Variants in PLEKHA7 observed in about 807,000 individuals in gnomAD.
PLEKHA7 encodes pleckstrin homology domain-containing family A member 7.
In PLEKHA7, 104 loss-of-function variants were observed where a neutral mutation model predicts 170.0. The observed-to-expected ratio is 0.61, with a 90% confidence interval of 0.52 to 0.72. The LOEUF (loss-of-function observed/expected upper bound fraction) is 0.72. Ranked by LOEUF, PLEKHA7 falls within the 30% of genes least tolerant of loss-of-function variation. PLEKHA7 has a pLI of 0.00. For synonymous variants in PLEKHA7, 648 were observed against 660.8 expected (o/e 0.98, Z 0.30); for missense variants, 1,615 against 1,671.7 (o/e 0.97, Z 0.59).
intron 8 of PLEKHA7, among the ~76,000 whole-genome samples, chr11:16,846,170 A>T (rs975644614): frequency 2.0e-5 from 3 of 152,120 alleles, no homozygotes; most frequent in Non-Finnish European, 4.4e-5. Context: ...CTGTAGCCCC[A>T]GCTACTCAAG....
chr11:16,969,450 G>C (rs528505327), intron 3 of PLEKHA7, among the ~76,000 whole-genome samples: 1 of 152,156 alleles, frequency 6.6e-6, no homozygotes, highest in East Asian at 1.9e-4. Context: ...ATTGATTCAA[G>C]TATGATATTG....
intron 8 of PLEKHA7, among the ~76,000 whole-genome samples, chr11:16,845,539 G>T (rs1473450838): frequency 1.3e-5 from 2 of 152,058 alleles, no homozygotes; most frequent in East Asian, 3.9e-4. Context: ...ACTAATTTTT[G>T]TATTTTTTGT....
chr11:16,941,393 G>A (rs982713974), intron 3 of PLEKHA7, among the ~76,000 whole-genome samples: 3 of 152,166 alleles, frequency 2.0e-5, no homozygotes, highest in African/African-American at 7.2e-5. Flanking sequence ...CTCTGAAAAG[G>A]AAGATGGTTT....
At position 17,013,979 on chromosome 11, in the gene PLEKHA7, A is replaced by T; in HGVS notation, c.221+10T>A. 6.5e-7 allele frequency: 1 copy of T among 1,532,372 alleles called. No individual in the cohort carries two copies. The highest frequency in any genetic ancestry group is 1.2e-5 in the South Asian group (1 of 82,836). The allele number at this position is 1,532,372 out of a possible 1,614,324, so 94.9% of individuals were successfully genotyped here. A position where few individuals can be genotyped will look rare whatever the true frequency, so the allele number is the denominator to read the frequency against. On this transcript the variant is annotated intron_variant, in intron 3 of 26. Coordinates refer to ENST00000531066, the MANE Select transcript of PLEKHA7 (RefSeq NM_001329630.2). ...GCACAGGTGCGAGCGCGGCGGCCCC[A>T]CTCACTCACTCGATGAAGTAGCTGG...
chr11:16,924,487 T>C (rs1590630497), intron 3 of PLEKHA7, among the ~76,000 whole-genome samples: 1 of 152,194 alleles, frequency 6.6e-6, no homozygotes, highest in Non-Finnish European at 1.5e-5. Flanking sequence ...ACACCTGGTC[T>C]GGAAGCTGCC....
At chr11:17,006,141 C>A (rs4757485) in intron 3 of PLEKHA7, among the ~76,000 whole-genome samples, 96,494 of 151,774 alleles carry the variant, frequency 0.64, 31,298 homozygotes, top group East Asian at 0.96. Context: ...GAAGCCAAGG[C>A]GGGTGGACAG....
intron 3 of PLEKHA7, among the ~76,000 whole-genome samples, chr11:16,918,230 T>C (rs1427590682): frequency 6.6e-6 from 1 of 152,244 alleles, no homozygotes. Context: ...TCAGATTTGA[T>C]AAATACTGCA....
At chr11:16,801,298 G>C (rs1848581224) in intron 16 of PLEKHA7, among the ~76,000 whole-genome samples, 2 of 152,206 alleles carry the variant, frequency 1.3e-5, no homozygotes, top group Admixed American at 6.5e-5. Context: ...CCCTCAGGAT[G>C]CTTTGATTCT....
intron 4 of PLEKHA7, among the ~76,000 whole-genome samples, chr11:16,860,807 G>A (rs923230655): frequency 6.6e-6 from 1 of 152,210 alleles, no homozygotes; most frequent in African/African-American, 2.4e-5. Context: ...GTGGTGGAAA[G>A]AGCAAGAGCC....
At chr11:16,905,829 A>T (rs1857622628) in intron 3 of PLEKHA7, among the ~76,000 whole-genome samples, 1 of 152,214 alleles carries the variant, frequency 6.6e-6, no homozygotes, top group African/African-American at 2.4e-5. Flanking sequence ...CACTTTCAAT[A>T]TGAAGTGTTT....
At position 16,817,009 on chromosome 11, in the gene PLEKHA7, G is replaced by A. The variant is rs757585124; in HGVS notation, c.1657C>T (p.Arg553Trp). Reference protein sequence around the residue: ...LGSPEFTDQGRSRSMLEVPRS... With the variant: ...LGSPEFTDQGWSRSMLEVPRS... ...GGCACCTCTAGCATGCTCCTGCTCC[G>A]GCCCTGGTCGGTGAACTCTGGGGAG... The change falls in exon 11 of 27, where the codon CGG becomes TGG. Residue 553 changes from arginine to tryptophan, a missense_variant. Coordinates refer to ENST00000531066, the MANE Select transcript of PLEKHA7 (RefSeq NM_001329630.2). This position sits in a 1 kb window ranked among gnomAD's most constrained non-coding sequence, Gnocchi z 4.4. 3.9e-5 allele frequency: 62 copies of A among 1,602,920 alleles called. No homozygotes were observed. The Admixed American group carries it at 5.2e-4, about 13-fold the overall frequency.
chr11:16,910,407 G>A (rs2136148486), intron 3 of PLEKHA7, among the ~76,000 whole-genome samples: 1 of 152,336 alleles, frequency 6.6e-6, no homozygotes, highest in African/African-American at 2.4e-5. Context: ...GCAAAGATGA[G>A]GAGAGAGCTT....
chr11:16,997,771 G>T (rs1403740977), intron 3 of PLEKHA7, among the ~76,000 whole-genome samples: 1 of 152,200 alleles, frequency 6.6e-6, no homozygotes. Context: ...ACAGAAGGCC[G>T]CATGCAGTTT....
At chr11:16,855,673 A>C in intron 5 of PLEKHA7, 130 bp downstream of exon 5, 1 of 720,868 alleles carries the variant, frequency 1.4e-6, no homozygotes, top group Admixed American at 2.6e-5. Flanking sequence ...CTGATCTGTC[A>C]TTTGGGGAGA....
chr11:16,852,090 A>C (rs1007872636), intron 7 of PLEKHA7, among the ~76,000 whole-genome samples, 193 bp downstream of exon 7: 68 of 152,338 alleles, frequency 4.5e-4, no homozygotes, highest in African/African-American at 1.5e-3. Flanking sequence ...AGGTGGACCT[A>C]TGTCCCAAAT....
intron 13 of PLEKHA7, among the ~76,000 whole-genome samples, chr11:16,809,694 T>C (rs1849228598): frequency 6.6e-6 from 1 of 152,182 alleles, no homozygotes; most frequent in African/African-American, 2.4e-5. Context: ...TGAGCCTCAG[T>C]TGTACCCTAG....
chr11:16,926,792 T>C (rs1211863389), intron 3 of PLEKHA7, among the ~76,000 whole-genome samples: 1 of 152,228 alleles, frequency 6.6e-6, no homozygotes, highest in Non-Finnish European at 1.5e-5. Context: ...AGGTGGGGCA[T>C]AGGGTGGCTC....
chr11:16,960,433 T>TG (rs1221425830), intron 3 of PLEKHA7, among the ~76,000 whole-genome samples: 1 of 152,064 alleles, frequency 6.6e-6, no homozygotes, highest in Non-Finnish European at 1.5e-5. Flanking sequence ...AGCTCTGAGT[T>TG]GGGGGGCAGG....
Position 16,794,553 on chromosome 11 carries a change from G to A in PLEKHA7, c.2680C>T (p.His894Tyr), listed in dbSNP as rs1483929196. The stretch of plus-strand genomic sequence containing the variant: ...GTCACTTTCCTCAGCTGGGGTGGGT[G>A]AGGTCGGTACGGCACGTAGGTTTGC... ...QLQTYVPYRP[H>Y]PPQLRKVTSP... The change falls in exon 19 of 27, where the codon CAC (histidine) becomes TAC (tyrosine). Residue 894 changes from histidine (H) to tyrosine (Y), a missense_variant. Coordinates refer to ENST00000531066, the MANE Select transcript of PLEKHA7 (RefSeq NM_001329630.2). 1.2e-6 allele frequency: 2 copies of A among 1,613,896 alleles called. No homozygotes were observed. The highest frequency in any genetic ancestry group is 2.2e-5 in the South Asian group (2 of 91,074).
Sources: gnomAD v4.1 joint callset for allele counts (sites outside exome capture counted in the v4.1 genomes callset) on GRCh38, gnomAD v4.1.1 for gene constraint, Gnocchi (gnomAD v3.1) non-coding constraint, MANE v1.5 for transcripts, NCBI Gene and HGNC (gene_info 2026-07-23, HGNC 2026-07-21) for gene names.